Variants in GRID2 observed in about 807,000 individuals in gnomAD.
GRID2 encodes the protein glutamate ionotropic receptor delta type subunit 2, also known as glutamate receptor ionotropic, delta-2.
Under a neutral mutation model 114.8 loss-of-function variants are expected in GRID2, and 33 were observed. The observed-to-expected ratio is 0.29, with a 90% CI of 0.22 to 0.38. The LOEUF is 0.38. Among genes scored for constraint, GRID2 ranks in the 10% least tolerant of loss-of-function variants. The pLI is 1.00. For missense variants in GRID2, 1,184 were observed against 1,257.7 expected (o/e 0.94, Z 0.89); for synonymous variants, 505 against 449.9 (o/e 1.12, Z -1.55).
At chr4:92,616,474 G>A (rs897525757) in intron 2 of GRID2, among the ~76,000 whole-genome samples, 1 of 151,324 alleles carries the variant, frequency 6.6e-6, no homozygotes, top group Non-Finnish European at 1.5e-5. Context: ...TCAGGTTTCT[G>A]CTAACTAGAT....
intron 2 of GRID2, among the ~76,000 whole-genome samples, chr4:92,940,654 A>C (rs955839953): frequency 9.2e-5 from 14 of 152,136 alleles, no homozygotes; most frequent in Non-Finnish European, 2.1e-4. Context: ...CCAGTTTTCA[A>C]AGGGAATGCT....
At chr4:92,917,576 T>C (rs1355388444) in intron 2 of GRID2, among the ~76,000 whole-genome samples, 1 of 152,232 alleles carries the variant, frequency 6.6e-6, no homozygotes, top group Non-Finnish European at 1.5e-5. Flanking sequence ...GCTTTCTACA[T>C]ATGGCTAGCC....
chr4:92,807,059 A>G (rs1367267920), intron 2 of GRID2, among the ~76,000 whole-genome samples: 2 of 151,992 alleles, frequency 1.3e-5, no homozygotes, highest in Non-Finnish European at 2.9e-5. Context: ...TTGCAATTGT[A>G]AAGGCTCAGT....
At chr4:93,287,056 G>A (rs1190474031) in intron 8 of GRID2, among the ~76,000 whole-genome samples, 1 of 151,948 alleles carries the variant, frequency 6.6e-6, no homozygotes, top group Non-Finnish European at 1.5e-5. Flanking sequence ...TTCAATCATA[G>A]TAGATAACTC....
intron 12 of GRID2, among the ~76,000 whole-genome samples, chr4:93,503,572 G>A (rs540405653): frequency 8.1e-5 from 12 of 148,278 alleles, no homozygotes; most frequent in East Asian, 4.1e-4. Flanking sequence ...GAGAACATGC[G>A]GTGTTCGGTT....
intron 14 of GRID2, among the ~76,000 whole-genome samples, chr4:93,715,676 G>A (rs72659509): frequency 0.022 from 3,393 of 152,174 alleles, 45 homozygotes; most frequent in Admixed American, 0.025. Context: ...CCTAGATATT[G>A]TATTCTTTTT....
chr4:92,978,827 C>T (rs931599751), intron 2 of GRID2, among the ~76,000 whole-genome samples: 1 of 151,966 alleles, frequency 6.6e-6, no homozygotes, highest in African/African-American at 2.4e-5. Flanking sequence ...GGGCCCGAGA[C>T]CAGTTGGGCT....
chr4:92,806,030 C>T (rs1740393611), intron 2 of GRID2, among the ~76,000 whole-genome samples: 1 of 151,690 alleles, frequency 6.6e-6, no homozygotes, highest in Non-Finnish European at 1.5e-5. Context: ...TACAAATTCC[C>T]AAAATTCTAA....
At chr4:93,309,566 TAAA>T (rs1301188116) in intron 8 of GRID2, among the ~76,000 whole-genome samples, 1 of 150,550 alleles carries the variant, frequency 6.6e-6, no homozygotes, top group Non-Finnish European at 1.5e-5. Flanking sequence ...TAATAATAAA[TAAA>T]AAAGAAGAAG....
intron 1 of GRID2, among the ~76,000 whole-genome samples, chr4:92,334,353 A>G (rs1230093707): frequency 6.6e-6 from 1 of 151,876 alleles, no homozygotes; most frequent in Non-Finnish European, 1.5e-5. Flanking sequence ...TTGTTAGCCT[A>G]CTCCTTCAAA....
rs375356308 is a variant in GRID2 at position 93,103,930 on chromosome 4, G to A, written c.530-6818G>A. 2.3e-4 allele frequency among the ~76,000 whole-genome samples: 32 copies of A among 138,374 alleles called. No homozygotes were observed. The East Asian group carries it at 4.9e-3, about 21-fold the overall frequency. 90.8% of individuals were successfully genotyped at this position (138,374 alleles called of 152,430 possible). On this transcript the variant is annotated intron_variant, in intron 3 of 15. Coordinates refer to ENST00000282020, the MANE Select transcript of GRID2 (RefSeq NM_001510.4). ...AATCTTCATTTTTTTTTTTTTTTAA[G>A]TTTCAGCTTTTACTTTAGGTACAAG...
intron 1 of GRID2, among the ~76,000 whole-genome samples, chr4:92,348,988 G>A (rs1727925412): frequency 2.0e-5 from 3 of 151,674 alleles, no homozygotes; most frequent in Admixed American, 2.0e-4. Context: ...GAACATGTGG[G>A]AAACTACCAA....
At chr4:92,470,827 A>G (rs1343705103) in intron 1 of GRID2, among the ~76,000 whole-genome samples, 1 of 152,060 alleles carries the variant, frequency 6.6e-6, no homozygotes, top group Non-Finnish European at 1.5e-5. Flanking sequence ...TAACACAGTA[A>G]GCCAGAATAA....
At chr4:93,481,366 G>A (rs186851876) in intron 11 of GRID2, among the ~76,000 whole-genome samples, 51 of 152,010 alleles carry the variant, frequency 3.4e-4, no homozygotes, top group African/African-American at 1.1e-3. Flanking sequence ...ATCTTATATG[G>A]CAGAAGATTT....
chr4:92,712,242 C>T (rs1408356817), intron 2 of GRID2, among the ~76,000 whole-genome samples: 4 of 151,948 alleles, frequency 2.6e-5, no homozygotes, highest in East Asian at 1.9e-4. Flanking sequence ...TATTTACAAT[C>T]GGTTATTTTT....
chr4:92,419,058 C>G (rs1368865335), intron 1 of GRID2, among the ~76,000 whole-genome samples: 1 of 152,020 alleles, frequency 6.6e-6, no homozygotes, highest in Admixed American at 6.6e-5. Context: ...GCTTAATTTG[C>G]CTCTGCTATA....
At chr4:93,115,092 T>TTG (rs546827152) in intron 4 of GRID2, among the ~76,000 whole-genome samples, 16,749 of 142,652 alleles carry the variant, frequency 0.12, 1,089 homozygotes, top group African/African-American at 0.2. Context: ...CTGTGTGTGC[T>TTG]TGTGTGTGTG....
chr4:92,735,633 T>G (rs1736553723), intron 2 of GRID2, among the ~76,000 whole-genome samples: 1 of 152,140 alleles, frequency 6.6e-6, no homozygotes. Flanking sequence ...AACTTAAAAT[T>G]TATATTGTTT....
intron 1 of GRID2, among the ~76,000 whole-genome samples, chr4:92,358,889 A>C (rs561449991): frequency 4.6e-5 from 7 of 151,974 alleles, no homozygotes; most frequent in Non-Finnish European, 1.0e-4. Context: ...GCTGTATTCT[A>C]ATATGCATAC....
Sources: allele counts gnomAD v4.1 joint callset (sites outside exome capture counted in the v4.1 genomes callset), GRCh38; gene constraint gnomAD v4.1.1; transcripts MANE v1.5; gene names NCBI Gene and HGNC (gene_info 2026-07-23, HGNC 2026-07-21).